Variants in TMEM50A observed in about 807,000 individuals in gnomAD.
TMEM50A encodes cervical cancer oncogene 9.
In TMEM50A, 8 loss-of-function variants were observed where a neutral mutation model predicts 23.9. The observed-to-expected ratio is 0.33, with a 90% CI of 0.20 to 0.60. The LOEUF (loss-of-function observed/expected upper bound fraction) is 0.60. Ranked by LOEUF, TMEM50A falls within the 20% of genes least tolerant of loss-of-function variation. TMEM50A has a pLI of 0.81. For missense variants in TMEM50A, 178 were observed against 192.7 expected (o/e 0.92, Z 0.45); for synonymous variants, 55 against 60.4 (o/e 0.91, Z 0.41).
chr1:25,346,396 T>TA (rs536052166), intron 3 of TMEM50A, among the ~76,000 whole-genome samples: 34 of 149,818 alleles, frequency 2.3e-4, no homozygotes, highest in Middle Eastern at 3.4e-3. Context: ...CCTTTTAAAT[T>TA]AAAAAAAAAA....
chr1:25,346,186 G>A (rs1488143667), intron 3 of TMEM50A, among the ~76,000 whole-genome samples: 1 of 151,536 alleles, frequency 6.6e-6, no homozygotes, highest in Non-Finnish European at 1.5e-5. Flanking sequence ...TAATTTCTAA[G>A]GGCCTTTGTT....
rs1645407074 is a variant in TMEM50A, at chr1:25,361,702, A to G, written c.*997A>G. 1.3e-5 allele frequency: 2 copies of G among 152,474 alleles called. No homozygotes were observed. Among genetic ancestry groups the G allele is most frequent in the African/African-American group, 2.4e-5 (1 of 41,452 alleles). The allele number at this position is 152,474 out of a possible 1,614,324, so 9.4% of individuals were successfully genotyped here. On this transcript the variant is annotated 3_prime_UTR_variant, in exon 7 of 7. Transcript: ENST00000374358. ...AATGTCTTTCATAAAATGTGCTACA[A>G]TTAGCCTTCGGAATATTTGCTGGGT...
chr1:25,360,799 C>A lies in TMEM50A; in HGVS notation c.*94C>A. On this transcript the variant is annotated 3_prime_UTR_variant, in exon 7 of 7. Coordinates refer to ENST00000374358, the MANE Select transcript of TMEM50A (RefSeq NM_014313.4). ...ACCTTTTGTAATGCCATTTTCTAAA[C>A]TTATTTCTGAGTGTAGTCTCAGCTT... The A allele has an allele frequency of 7.3e-7, 1 of 1,376,996 alleles. No individual in the cohort carries two copies. Among genetic ancestry groups the A allele is most frequent in the Non-Finnish European group, 1.0e-6 (1 of 979,680 alleles). The allele number at this position is 1,376,996 out of a possible 1,614,324, so 85.3% of individuals were successfully genotyped here.
chr1:25,339,041 C>A (rs1442204569), intron 1 of TMEM50A, among the ~76,000 whole-genome samples: 1 of 152,188 alleles, frequency 6.6e-6, no homozygotes, highest in East Asian at 1.9e-4. Flanking sequence ...GGCATCTTAG[C>A]ATTGGCTGTA....
chr1:25,362,057 CAAT>C lies in TMEM50A; in HGVS notation c.*1353_*1355del. ...GAGCACAACCTCTTTCCCCACAGTG[CAAT>C]TCAGAATATGCTCAGGGAATGCCAG... is the stretch of plus-strand genomic sequence containing the variant. On this transcript the variant is annotated 3_prime_UTR_variant, in exon 7 of 7. Transcript: ENST00000374358. 3.5e-6 allele frequency: 1 copy of C among 284,948 alleles called. No individual in the cohort carries two copies. The highest frequency in any genetic ancestry group is 6.8e-6 in the Non-Finnish European group (1 of 148,006). 17.7% of individuals were successfully genotyped at this position (284,948 alleles called of 1,614,324 possible). A position where few individuals can be genotyped will look rare whatever the true frequency, so the allele number is the denominator to read the frequency against.
intron 6 of TMEM50A, among the ~76,000 whole-genome samples, chr1:25,357,154 T>C (rs1645341519): frequency 6.6e-6 from 1 of 152,202 alleles, no homozygotes; most frequent in South Asian, 2.1e-4. Flanking sequence ...TAAACTTAGA[T>C]CTCTAACAGT....
At chr1:25,340,039 C>T (rs928361787) in intron 1 of TMEM50A, among the ~76,000 whole-genome samples, 2 of 152,118 alleles carry the variant, frequency 1.3e-5, no homozygotes, top group Non-Finnish European at 2.9e-5. Context: ...CAGGTTCAAG[C>T]GATTCTCCTG....
intron 3 of TMEM50A, 121 bp from the exon 4 acceptor site, chr1:25,351,505 T>G: frequency 1.5e-6 from 1 of 676,964 alleles, no homozygotes. Context: ...TGAGACCCTG[T>G]ATCTTTAAAA....
intron 3 of TMEM50A, among the ~76,000 whole-genome samples, chr1:25,343,561 T>TA (rs201140726): frequency 5.9e-4 from 90 of 151,738 alleles, no homozygotes; most frequent in Admixed American, 9.9e-4. Flanking sequence ...GGATAGAAAT[T>TA]AAAAAATTTT....
intron 1 of TMEM50A, among the ~76,000 whole-genome samples, chr1:25,339,468 C>A (rs1195126650): frequency 1.3e-5 from 2 of 151,902 alleles, no homozygotes; most frequent in African/African-American, 4.8e-5. Context: ...AGAAATGACA[C>A]CAAAAGGCAG....
intron 3 of TMEM50A, among the ~76,000 whole-genome samples, chr1:25,348,716 C>G (rs1557585869): frequency 6.6e-6 from 1 of 151,402 alleles, no homozygotes; most frequent in African/African-American, 2.4e-5. Flanking sequence ...TGCCAATAAG[C>G]AAAAACGAAG....
At chr1:25,348,516 C>T (rs1645242645) in intron 3 of TMEM50A, among the ~76,000 whole-genome samples, 2 of 152,074 alleles carry the variant, frequency 1.3e-5, no homozygotes, top group African/African-American at 4.8e-5. Context: ...GAAGCCCCGT[C>T]TCTACTAAAA....
Position 25,360,750 on chromosome 1 carries a change from T to A in TMEM50A, c.*45T>A. 2 of 1,608,456 alleles carry A rather than the reference T, an allele frequency of 1.2e-6. No homozygotes were observed. The highest frequency in any genetic ancestry group is 1.7e-6 in the Non-Finnish European group (2 of 1,175,740). On this transcript the variant is annotated 3_prime_UTR_variant, in exon 7 of 7. Coordinates refer to ENST00000374358, the MANE Select transcript of TMEM50A (RefSeq NM_014313.4). The stretch of plus-strand genomic sequence containing the variant: ...GCACAACAGCCCTGCATGGGTTTGT[T>A]TGTTTTTTTACTGCTCACTCCCAAC...
chr1:25,341,240 T>C lies in TMEM50A; in HGVS notation c.93+661T>C, dbSNP rs1645164460. 2.0e-5 allele frequency among the ~76,000 whole-genome samples: 3 copies of C among 151,996 alleles called. No individual in the cohort carries two copies. In the South Asian group the frequency reaches 6.2e-4, roughly 31 times the overall value. On this transcript the variant is annotated intron_variant, in intron 2 of 6. Coordinates refer to ENST00000374358, the MANE Select transcript of TMEM50A (RefSeq NM_014313.4). ...GAGATAGAGTTTTGCTCTTGTTTTTTTGTTGTTGTTGTTTTTGTTTTTTTT... is the reference window on the plus strand; with the variant it reads ...GAGATAGAGTTTTGCTCTTGTTTTTCTGTTGTTGTTGTTTTTGTTTTTTTT...
intron 5 of TMEM50A, among the ~76,000 whole-genome samples, chr1:25,355,557 A>G (rs1645325365): frequency 6.6e-6 from 1 of 152,172 alleles, no homozygotes; most frequent in Non-Finnish European, 1.5e-5. Context: ...TTAGCAGCAG[A>G]TCTGTAATTT....
chr1:25,343,048 G>A lies in TMEM50A; in HGVS notation c.181G>A (p.Val61Ile). The change falls in exon 3 of 7, where the codon GTT becomes ATT. Residue 61 changes from valine (V) to isoleucine (I), a missense_variant. Coordinates refer to ENST00000374358, the MANE Select transcript of TMEM50A (RefSeq NM_014313.4). ...CAACCACTCATACCATGCCTGTGGT[G>A]TTATAGCAACCATAGCCTTCCTAAT... is the stretch of plus-strand genomic sequence containing the variant. Reference protein sequence around the residue: ...DFNHSYHACGVIATIAFLMIN... With the variant: ...DFNHSYHACGIIATIAFLMIN... The A allele has an allele frequency of 6.2e-7, 1 of 1,612,590 alleles. No homozygotes were observed. Among genetic ancestry groups the A allele is most frequent in the Non-Finnish European group, 8.5e-7 (1 of 1,179,376 alleles).
intron 3 of TMEM50A, 94 bp from the exon 4 acceptor site, chr1:25,351,531 TC>T: frequency 9.3e-7 from 1 of 1,072,014 alleles, no homozygotes; most frequent in Non-Finnish European, 1.3e-6. Flanking sequence ...AAAAAGACTT[TC>T]AGGCCTAACC....
chr1:25,356,719 TG>T, intron 5 of TMEM50A, 73 bp from the exon 6 acceptor site: 1 of 1,104,708 alleles, frequency 9.1e-7, no homozygotes, highest in Non-Finnish European at 1.3e-6. Context: ...GCAGGAAAAC[TG>T]GTATTTGCCA....
intron 2 of TMEM50A, among the ~76,000 whole-genome samples, chr1:25,341,915 T>A (rs1455666277): frequency 6.6e-6 from 1 of 151,972 alleles, no homozygotes; most frequent in Non-Finnish European, 1.5e-5. Context: ...CTCTCCATGT[T>A]GCCCAGGCTG....
Sources: gnomAD v4.1 joint callset for allele counts (sites outside exome capture counted in the v4.1 genomes callset) on GRCh38, gnomAD v4.1.1 for gene constraint, MANE v1.5 for transcripts, NCBI Gene and HGNC (gene_info 2026-07-23, HGNC 2026-07-21) for gene names.